The following ACVRL1 variants were observed in gnomAD, a reference collection of about 807,000 sequenced individuals.
The protein encoded by ACVRL1 is activin receptor type-1-like.
Under a neutral mutation model 51.9 loss-of-function variants are expected in ACVRL1, and 20 were observed. The observed-to-expected ratio is 0.39, with a 90% CI of 0.27 to 0.56. The LOEUF is 0.56. ACVRL1 is among the 20% of genes least tolerant of loss of function. ACVRL1 has a pLI of 0.67. For missense variants in ACVRL1, 451 were observed against 670.3 expected (o/e 0.67, Z 3.61); for synonymous variants, 288 against 280.9 (o/e 1.03, Z -0.25).
In ACVRL1 at chr12:51,921,738, C is replaced by CTT. The variant is rs544534093; in HGVS notation, c.*855_*856dup. 52 of 147,616 alleles carry CTT rather than the reference C, an allele frequency of 3.5e-4. No individual in the cohort carries two copies. Among genetic ancestry groups the CTT allele is most frequent in the African/African-American group, 1.3e-3 (51 of 40,462 alleles). The allele number at this position is 147,616 out of a possible 1,614,324, so 9.1% of individuals were successfully genotyped here. On this transcript the variant is annotated 3_prime_UTR_variant, in exon 10 of 10. Coordinates refer to ENST00000388922, the MANE Select transcript of ACVRL1 (RefSeq NM_000020.3). ...GGACCTTTTCTTTTCTTTTTTCCTTCTTTTTTTTTTTGACACGGAGTTTCG... is the reference window on the plus strand; with the variant it reads ...GGACCTTTTCTTTTCTTTTTTCCTTCTTTTTTTTTTTTTGACACGGAGTTTCG...
chr12:51,910,078 G>A (rs1419155266), intron 1 of ACVRL1, among the ~76,000 whole-genome samples: 1 of 152,142 alleles, frequency 6.6e-6, no homozygotes, highest in Non-Finnish European at 1.5e-5. Flanking sequence ...GCATCCTCCT[G>A]TACTTGATCT....
chr12:51,913,034 TG>T, intron 2 of ACVRL1, 64 bp from the exon 3 acceptor site: 1 of 1,568,088 alleles, frequency 6.4e-7, no homozygotes, highest in Non-Finnish European at 8.6e-7. Context: ...AGGACAGAAA[TG>T]GGTGTCGGGC....
chr12:51,916,014 G>T, intron 7 of ACVRL1, 22 bp from the exon 8 acceptor site: 1 of 1,607,452 alleles, frequency 6.2e-7, no homozygotes, highest in African/African-American at 1.3e-5. Context: ...AGGGGCAGGA[G>T]TGACAGGCCT....
At chr12:51,913,514 G>A in intron 3 of ACVRL1, 45 bp from the exon 4 acceptor site, 1 of 1,569,978 alleles carries the variant, frequency 6.4e-7, no homozygotes, top group Non-Finnish European at 8.6e-7. Flanking sequence ...GAGGTGGGGG[G>A]AGCTGACCTA....
At chr12:51,911,768 G>T (rs1014336725) in intron 1 of ACVRL1, among the ~76,000 whole-genome samples, 7 of 152,182 alleles carry the variant, frequency 4.6e-5, no homozygotes, top group African/African-American at 1.7e-4. Context: ...TGATTCACAG[G>T]ATGTCCACCT....
chr12:51,909,384 C>G (rs1940649586), intron 1 of ACVRL1, among the ~76,000 whole-genome samples: 2 of 152,028 alleles, frequency 1.3e-5, no homozygotes, highest in Non-Finnish European at 2.9e-5. Context: ...TCCCTTGGGA[C>G]TTGGGAGGCT....
At chr12:51,915,595 C>T (rs1219506168) in intron 7 of ACVRL1, 95 bp downstream of exon 7, 11 of 1,462,722 alleles carry the variant, frequency 7.5e-6, no homozygotes, top group South Asian at 2.7e-5. Context: ...ATGATTAGCA[C>T]TTGAAAATTT....
chr12:51,916,866 C>T (rs928929582), intron 8 of ACVRL1, among the ~76,000 whole-genome samples: 9 of 152,022 alleles, frequency 5.9e-5, no homozygotes, highest in Admixed American at 2.6e-4. Flanking sequence ...CCCAGCTACT[C>T]GGGAGGCTGA....
chr12:51,912,750 C>T (rs1282596066), intron 2 of ACVRL1, among the ~76,000 whole-genome samples: 1 of 152,074 alleles, frequency 6.6e-6, no homozygotes, highest in Non-Finnish European at 1.5e-5. Context: ...CAGGCTGGAG[C>T]TCTGTCAGAC....
chr12:51,908,215 AC>A (rs1234536251), intron 1 of ACVRL1, among the ~76,000 whole-genome samples: 3 of 152,028 alleles, frequency 2.0e-5, no homozygotes, highest in Non-Finnish European at 4.4e-5. Context: ...CCTTGCCACG[AC>A]CTTCCTTCAG....
rs750590123 is a variant in ACVRL1, at chr12:51,912,460, C to T, written c.-5-10C>T. 1.1e-5 allele frequency: 18 copies of T among 1,614,010 alleles called. No homozygotes were observed. In the African/African-American group the frequency reaches 1.6e-4, roughly 14 times the overall value. ...GGCTCTTACTCCACCTCTCTTGCTCCTCTCTGCAGGGACCATGACCTTGGG... is the reference window on the plus strand; with the variant it reads ...GGCTCTTACTCCACCTCTCTTGCTCTTCTCTGCAGGGACCATGACCTTGGG... On this transcript the variant is annotated splice_polypyrimidine_tract_variant and intron_variant, in intron 1 of 9. Coordinates refer to ENST00000388922, the MANE Select transcript of ACVRL1 (RefSeq NM_000020.3).
intron 6 of ACVRL1, 40 bp downstream of exon 6, chr12:51,914,625 C>T (rs1448132631): frequency 2.5e-6 from 4 of 1,584,608 alleles, no homozygotes; most frequent in South Asian, 2.3e-5. Flanking sequence ...TGGGGCTTTG[C>T]CCCCCTGCAC....
Position 51,915,295 on chromosome 12 carries a change from G to A in ACVRL1, c.843G>A (p.Glu281=). ...TGTGGCTCATCACGCACTACCACGA[G>A]CACGGCTCCCTCTACGACTTTCTGC... ...TQLWLITHYH[E]HGSLYDFLQR... is the part of the protein sequence containing the mutation. Residue 281 remains glutamate (E), a synonymous_variant, in exon 7 of 10, where the codon GAG becomes GAA. Coordinates refer to ENST00000388922, the MANE Select transcript of ACVRL1 (RefSeq NM_000020.3). 2 of 1,614,200 alleles carry A rather than the reference G, an allele frequency of 1.2e-6. No homozygotes were observed. The highest frequency in any genetic ancestry group is 1.7e-6 in the Non-Finnish European group (2 of 1,180,052).
chr12:51,915,354 G>A lies in ACVRL1; in HGVS notation c.902G>A (p.Arg301Lys), dbSNP rs763034992. 9.3e-6 allele frequency: 15 copies of A among 1,614,160 alleles called. No individual in the cohort carries two copies. The highest frequency in any genetic ancestry group is 1.6e-4 in the Middle Eastern group (1 of 6,062). The part of the protein sequence containing the change: ...RQTLEPHLAL[R>K]LAVSAACGLA... ...ACGCTGGAGCCCCATCTGGCTCTGA[G>A]GCTAGCTGTGTCCGCGGCATGCGGC... Residue 301 changes from arginine (R) to lysine (K), a missense_variant, in exon 7 of 10, where the codon AGG (arginine) becomes AAG (lysine). Arg to Lys is a conservative substitution (Grantham distance 26). Around this residue, in one of 2 missense-constraint regions of ACVRL1, gnomAD observed 259 missense variants for 453.4 expected, o/e 0.57. Transcript: ENST00000388922.
At chr12:51,912,298 G>T in intron 1 of ACVRL1, 172 bp from the exon 2 acceptor site, 1 of 713,418 alleles carries the variant, frequency 1.4e-6, no homozygotes. Flanking sequence ...AAGTGAACCA[G>T]GACTTCCCCT....
chr12:51,919,199 C>G (rs1329701699), intron 9 of ACVRL1, 84 bp downstream of exon 9: 1 of 1,594,592 alleles, frequency 6.3e-7, no homozygotes, highest in South Asian at 1.1e-5. Flanking sequence ...TGTCTGAGGC[C>G]TCTGCTTCAT....
chr12:51,920,931 T>TGGGGGGTGGGGGGG lies in ACVRL1; in HGVS notation c.*44_*45insTGGGGGGGGGGGGG. 1 of 203,022 alleles carries TGGGGGGTGGGGGGG rather than the reference T, an allele frequency of 4.9e-6. No homozygotes were observed. The highest frequency in any genetic ancestry group is 6.6e-5 in the Admixed American group (1 of 15,188). 12.6% of individuals were successfully genotyped at this position (203,022 alleles called of 1,614,324 possible). A position where few individuals can be genotyped will look rare whatever the true frequency, so the allele number is the denominator to read the frequency against. On this transcript the variant is annotated 3_prime_UTR_variant, in exon 10 of 10. Coordinates refer to ENST00000388922, the MANE Select transcript of ACVRL1 (RefSeq NM_000020.3). ...TGATTCCTTTCTGCCTGCAGGGGGC[T>TGGGGGGTGGGGGGG]GGGGGGGTGGGGGGCAGTGGATGGT...
rs1940861670 is a variant in ACVRL1 at position 51,917,192 on chromosome 12, C to G, written c.1246+959C>G. Among the ~76,000 whole-genome samples, 1 of 152,156 alleles carries G rather than the reference C, an allele frequency of 6.6e-6. No homozygotes were observed. The highest frequency in any genetic ancestry group is 2.1e-4 in the South Asian group (1 of 4,830). ...GTGGGCTTGAGGCAGCATCAGGGTC[C>G]GAAACCGGGCAGTCTGCCCCGGGGC... On this transcript the variant is annotated intron_variant, in intron 8 of 9. Transcript: ENST00000388922. The surrounding 1 kb of genome is among the most constrained non-coding windows in gnomAD (Gnocchi z 4.2).
rs1227513589 is a variant in ACVRL1 at position 51,913,787 on chromosome 12, C to G, written c.525+17C>G. ...ATGTTGGGGGTATGGGCCTGGGGAC[C>G]TGGGACACAGGGTGTAGGAGGGGCA... On this transcript the variant is annotated intron_variant, in intron 4 of 9. Coordinates refer to ENST00000388922, the MANE Select transcript of ACVRL1 (RefSeq NM_000020.3). The G allele has an allele frequency of 1.9e-6, 3 of 1,609,714 alleles. No homozygotes were observed. The highest frequency in any genetic ancestry group is 2.5e-6 in the Non-Finnish European group (3 of 1,179,722).
Sources: gnomAD v4.1 joint callset for allele counts (sites outside exome capture counted in the v4.1 genomes callset) on GRCh38, gnomAD v4.1.1 for gene constraint, gnomAD v4.1.1 regional missense constraint, Gnocchi (gnomAD v3.1) non-coding constraint, MANE v1.5 for transcripts, NCBI Gene and HGNC (gene_info 2026-07-23, HGNC 2026-07-21) for gene names.